Variants in NTM observed in about 807,000 individuals in gnomAD.
NTM encodes the protein IgLON family member 2.
A neutral mutation model predicts 42.1 loss-of-function variants in NTM; 13 were observed. The ratio of observed to expected loss-of-function variants is 0.31; its 90% CI spans 0.20 to 0.49. NTM has a LOEUF of 0.49. Ranked by LOEUF, NTM falls within the 20% of genes least tolerant of loss-of-function variation. The pLI is 0.99. For missense variants in NTM, 373 were observed against 452.8 expected, an observed-to-expected ratio of 0.82 and a Z score of 1.60; for synonymous variants, 187 against 179.2, an observed-to-expected ratio of 1.04 and a Z score of -0.35.
chr11:131,417,233 A>G (rs765938770), intron 1 of NTM, among the ~76,000 whole-genome samples: 4 of 152,214 alleles, frequency 2.6e-5, no homozygotes, highest in Non-Finnish European at 4.4e-5. Flanking sequence ...AACACAAAAA[A>G]TAATTTCCCC....
chr11:132,123,832 C>T (rs1362427076), intron 2 of NTM, among the ~76,000 whole-genome samples: 6 of 152,154 alleles, frequency 3.9e-5, no homozygotes, highest in Non-Finnish European at 7.3e-5. Flanking sequence ...TACGTGTGCA[C>T]AGCCTTCCCC....
intron 1 of NTM, among the ~76,000 whole-genome samples, chr11:131,434,392 A>G (rs1240744231): frequency 6.6e-6 from 1 of 152,174 alleles, no homozygotes; most frequent in African/African-American, 2.4e-5. Context: ...GAACTAATTT[A>G]CACTCCCACC....
intron 2 of NTM, among the ~76,000 whole-genome samples, chr11:131,986,523 A>T (rs1010375278): frequency 2.0e-5 from 3 of 152,238 alleles, no homozygotes; most frequent in East Asian, 3.8e-4. Flanking sequence ...GTATCATGTC[A>T]TGAAATATGT....
At position 132,146,134 on chromosome 11, in the gene NTM, A is replaced by G; in HGVS notation, c.168-148A>G. 2 of 1,270,450 alleles carry G rather than the reference A, an allele frequency of 1.6e-6. No homozygotes were observed. The highest frequency in any genetic ancestry group is 3.1e-5 in the South Asian group (2 of 64,576). 78.7% of individuals were successfully genotyped at this position (1,270,450 alleles called of 1,614,324 possible). A position where few individuals can be genotyped will look rare whatever the true frequency, so the allele number is the denominator to read the frequency against. ...CCATAAGACCTTTGCTGTGTTCCAG[A>G]AAAGTCCACCCCTGACAAATCAAAG... On this transcript the variant is annotated intron_variant, in intron 2 of 8. Transcript: ENST00000683400. This position sits in a 1 kb window ranked among gnomAD's most constrained non-coding sequence, Gnocchi z 4.5.
At chr11:132,000,726 A>C (rs941353028) in intron 2 of NTM, among the ~76,000 whole-genome samples, 1 of 152,186 alleles carries the variant, frequency 6.6e-6, no homozygotes, top group Admixed American at 6.5e-5. Flanking sequence ...GCTGAGTACC[A>C]TGCTGGTACC....
chr11:131,827,679 C>G (rs1195534577), intron 1 of NTM, among the ~76,000 whole-genome samples: 1 of 152,172 alleles, frequency 6.6e-6, no homozygotes, highest in African/African-American at 2.4e-5. Context: ...AGGAAGTCAA[C>G]TAAGAGAGAA....
intron 2 of NTM, among the ~76,000 whole-genome samples, chr11:131,952,599 A>G (rs570240139): frequency 6.6e-6 from 1 of 152,160 alleles, no homozygotes; most frequent in East Asian, 1.9e-4. Context: ...AAATGTTTCT[A>G]TCAACTGTGG....
intron 1 of NTM, among the ~76,000 whole-genome samples, chr11:131,886,402 G>T (rs1369192807): frequency 1.3e-5 from 2 of 152,044 alleles, no homozygotes; most frequent in African/African-American, 2.4e-5. Flanking sequence ...GACTGCCTTG[G>T]CTTGGGAGCC....
chr11:132,023,077 C>T (rs1255892369), intron 2 of NTM, among the ~76,000 whole-genome samples: 2 of 152,142 alleles, frequency 1.3e-5, no homozygotes, highest in Non-Finnish European at 2.9e-5. Context: ...CAAGGAGGAC[C>T]TGGGTTTGCA....
In NTM at chr11:131,960,261, C is replaced by A. The variant is rs1015986906; in HGVS notation, c.167+48613C>A. On this transcript the variant is annotated intron_variant, in intron 2 of 8. Transcript: ENST00000683400. ...GTTGTTGGGACCCTCCCAGGTAAGA[C>A]CTCCGTCCATCCAGAATCACAACTT... Among the ~76,000 whole-genome samples, 3 of 152,308 alleles carry A rather than the reference C, an allele frequency of 2.0e-5. No homozygotes were observed. In the East Asian group the frequency reaches 5.8e-4, roughly 29 times the overall value.
At chr11:131,572,076 T>A (rs1287556153) in intron 1 of NTM, among the ~76,000 whole-genome samples, 2 of 152,128 alleles carry the variant, frequency 1.3e-5, no homozygotes, top group African/African-American at 2.4e-5. Context: ...CACAAAAACA[T>A]GCACATCAGG....
chr11:131,545,916 C>T (rs971790778), intron 1 of NTM, among the ~76,000 whole-genome samples: 6 of 152,102 alleles, frequency 3.9e-5, no homozygotes, highest in Admixed American at 6.5e-5. Context: ...GTTACAGTGA[C>T]GCTTGACTCA....
chr11:131,601,357 C>A (rs2060470866), intron 1 of NTM, among the ~76,000 whole-genome samples: 1 of 152,166 alleles, frequency 6.6e-6, no homozygotes, highest in African/African-American at 2.4e-5. Context: ...GTCATCTGAC[C>A]TCTCTGGGTC....
At chr11:132,226,935 C>T in intron 4 of NTM, among the ~76,000 whole-genome samples, 1 of 152,098 alleles carries the variant, frequency 6.6e-6, no homozygotes, top group Non-Finnish European at 1.5e-5. Context: ...TCAAAAACTC[C>T]AAGAAAAGCA....
At chr11:131,558,207 C>T (rs572464630) in intron 1 of NTM, among the ~76,000 whole-genome samples, 2 of 152,280 alleles carry the variant, frequency 1.3e-5, no homozygotes, top group South Asian at 2.1e-4. Context: ...CTTCTGCGTG[C>T]TTCCTTGGGA....
intron 1 of NTM, among the ~76,000 whole-genome samples, chr11:131,496,545 C>A (rs1373996772): frequency 6.6e-6 from 1 of 152,232 alleles, no homozygotes. Context: ...ACCTCATCCC[C>A]TTCATTGCTC....
intron 1 of NTM, among the ~76,000 whole-genome samples, chr11:131,888,915 T>A (rs1019882585): frequency 3.3e-5 from 5 of 151,478 alleles, no homozygotes; most frequent in South Asian, 2.1e-4. Flanking sequence ...TTTATTTTTT[T>A]TTTTTTTATT....
chr11:131,885,193 C>CCAAG, intron 1 of NTM, among the ~76,000 whole-genome samples: 1 of 152,332 alleles, frequency 6.6e-6, no homozygotes, highest in African/African-American at 2.4e-5. Context: ...ATTCATTCAT[C>CCAAG]CAAGCTGAGC....
intron 1 of NTM, chr11:131,537,623 C>G (rs2052485736): frequency 6.6e-6 from 1 of 152,284 alleles, no homozygotes; most frequent in Admixed American, 6.5e-5. Context: ...TGGTGCAGAG[C>G]AATTACTGAG....
Sources: gnomAD v4.1 joint callset for allele counts (sites outside exome capture counted in the v4.1 genomes callset) on GRCh38, gnomAD v4.1.1 for gene constraint, Gnocchi (gnomAD v3.1) non-coding constraint, MANE v1.5 for transcripts, NCBI Gene and HGNC (gene_info 2026-07-23, HGNC 2026-07-21) for gene names.